Variants in NELL2 observed in about 807,000 individuals in gnomAD.
The protein encoded by NELL2 is protein kinase C-binding protein NELL2.
In NELL2, 41 loss-of-function variants were observed where a neutral mutation model predicts 109.6. That is an observed-to-expected ratio of 0.37 (90% CI 0.29 to 0.49). NELL2 has a LOEUF of 0.49. Among genes scored for constraint, NELL2 ranks in the 20% least tolerant of loss-of-function variants. The pLI, the probability that NELL2 is intolerant of heterozygous loss-of-function variation, is 0.98. For synonymous variants in NELL2, 355 were observed against 344.7 expected (o/e 1.03, Z -0.33); for missense variants, 900 against 1,008.3 (o/e 0.89, Z 1.45).
chr12:44,619,117 C>A (rs957372722), intron 13 of NELL2, among the ~76,000 whole-genome samples: 1 of 152,022 alleles, frequency 6.6e-6, no homozygotes, highest in Non-Finnish European at 1.5e-5. Flanking sequence ...GGGAAACAGG[C>A]CGAACAGGTG....
At chr12:44,879,918 A>G (rs1050570986), upstream of NELL2, among the ~76,000 whole-genome samples, 1 of 151,920 alleles carries the variant, frequency 6.6e-6, no homozygotes, top group Non-Finnish European at 1.5e-5. Context: ...ACTGATATGG[A>G]AATTCTAAAA....
intron 3 of NELL2, among the ~76,000 whole-genome samples, chr12:44,804,772 A>C (rs1942944754): frequency 6.6e-6 from 1 of 151,902 alleles, no homozygotes; most frequent in South Asian, 2.1e-4. Flanking sequence ...TTAAAATATC[A>C]GTGCATATGA....
rs1247636571 is a variant in NELL2, at chr12:44,594,543, T to C, written c.1663+12626A>G. ...CATTATGGAGATAGTGATTAAGAAG[T>C]TATATCGGATTTCCAAGAGAGTCAT... is the stretch of plus-strand genomic sequence containing the variant. On this transcript the variant is annotated intron_variant, in intron 15 of 19. Transcript: ENST00000429094. 3.9e-5 allele frequency among the ~76,000 whole-genome samples: 6 copies of C among 152,106 alleles called. No homozygotes were observed. The East Asian group carries it at 1.2e-3, about 29-fold the overall frequency.
intron 9 of NELL2, among the ~76,000 whole-genome samples, chr12:44,723,444 T>A (rs1030640184): frequency 2.0e-5 from 3 of 152,188 alleles, no homozygotes; most frequent in Non-Finnish European, 4.4e-5. Context: ...TTGAAAATAA[T>A]CAGTTAAACT....
At chr12:44,658,971 C>A (rs952618505) in intron 13 of NELL2, among the ~76,000 whole-genome samples, 2 of 151,342 alleles carry the variant, frequency 1.3e-5, no homozygotes, top group Admixed American at 6.6e-5. Context: ...CTACAGTAAC[C>A]AAAACAGCAT....
chr12:44,845,633 T>C (rs1441144565), intron 2 of NELL2, among the ~76,000 whole-genome samples: 1 of 152,166 alleles, frequency 6.6e-6, no homozygotes, highest in East Asian at 1.9e-4. Flanking sequence ...AAATCCTCAT[T>C]TTAAATTCAA....
At chr12:44,529,492 G>A (rs1420306300) in intron 16 of NELL2, among the ~76,000 whole-genome samples, 1 of 152,154 alleles carries the variant, frequency 6.6e-6, no homozygotes, top group African/African-American at 2.4e-5. Context: ...GGGATACATA[G>A]ACGGCATTTT....
At chr12:44,904,034 AT>A (rs1346504731) in intron 1 of NELL2, among the ~76,000 whole-genome samples, 1 of 152,076 alleles carries the variant, frequency 6.6e-6, no homozygotes, top group African/African-American at 2.4e-5. Context: ...TTAAAATATA[AT>A]AAAAATAAAT....
intron 9 of NELL2, among the ~76,000 whole-genome samples, chr12:44,741,237 T>A (rs899016446): frequency 6.6e-6 from 1 of 152,202 alleles, no homozygotes; most frequent in African/African-American, 2.4e-5. Context: ...AACATTTTCT[T>A]TTCTTTAGAT....
At chr12:44,877,471 A>G (rs1945359293), upstream of NELL2, among the ~76,000 whole-genome samples, 1 of 152,262 alleles carries the variant, frequency 6.6e-6, no homozygotes, top group Admixed American at 6.5e-5. Flanking sequence ...TAATCTGTAC[A>G]AAGATCAATT....
chr12:44,689,612 T>C (rs972728511), intron 12 of NELL2, among the ~76,000 whole-genome samples: 1 of 152,226 alleles, frequency 6.6e-6, no homozygotes, highest in African/African-American at 2.4e-5. Flanking sequence ...AATAGATACT[T>C]GGGGTGGCAG....
chr12:44,672,804 A>G (rs1051574661), intron 12 of NELL2, among the ~76,000 whole-genome samples: 17 of 152,232 alleles, frequency 1.1e-4, no homozygotes, highest in Admixed American at 9.2e-4. Context: ...CCTTCTAAAA[A>G]CTGTCTCTCA....
At chr12:44,613,029 T>C (rs905986673) in intron 13 of NELL2, among the ~76,000 whole-genome samples, 1 of 152,074 alleles carries the variant, frequency 6.6e-6, no homozygotes, top group Admixed American at 6.6e-5. Context: ...CTGAAGGCTT[T>C]AAATGCATCC....
chr12:44,777,844 T>C (rs1941812421), intron 5 of NELL2, among the ~76,000 whole-genome samples: 1 of 152,182 alleles, frequency 6.6e-6, no homozygotes, highest in African/African-American at 2.4e-5. Flanking sequence ...TACAGCAAAA[T>C]ATAGTGATGA....
intron 13 of NELL2, among the ~76,000 whole-genome samples, chr12:44,614,488 C>A: frequency 6.6e-6 from 1 of 151,846 alleles, no homozygotes; most frequent in East Asian, 1.9e-4. Context: ...TCTGTACATA[C>A]AATGTAAACC....
At chr12:44,529,404 G>T (rs1941944583) in intron 16 of NELL2, among the ~76,000 whole-genome samples, 1 of 152,170 alleles carries the variant, frequency 6.6e-6, no homozygotes, top group Non-Finnish European at 1.5e-5. Flanking sequence ...AGTCTGAGTT[G>T]TCTATTAGAA....
intron 13 of NELL2, among the ~76,000 whole-genome samples, chr12:44,641,247 G>C (rs1946843573): frequency 6.6e-6 from 1 of 152,184 alleles, no homozygotes; most frequent in South Asian, 2.1e-4. Flanking sequence ...ATGCAAAGGG[G>C]ATCTAATTTC....
chr12:44,871,825 C>T (rs1480941197), intron 2 of NELL2, among the ~76,000 whole-genome samples: 1 of 152,116 alleles, frequency 6.6e-6, no homozygotes, highest in East Asian at 1.9e-4. Context: ...AACTACTAAG[C>T]TTATTTTCAA....
At chr12:44,921,232 AC>A (rs1376120688) in intron 1 of NELL2, among the ~76,000 whole-genome samples, 2 of 152,156 alleles carry the variant, frequency 1.3e-5, no homozygotes, top group Non-Finnish European at 2.9e-5. Context: ...AGACCTAAAC[AC>A]TAGATAGACT....
Sources: allele counts gnomAD v4.1 joint callset (sites outside exome capture counted in the v4.1 genomes callset), GRCh38; gene constraint gnomAD v4.1.1; transcripts MANE v1.5; gene names NCBI Gene and HGNC (gene_info 2026-07-23, HGNC 2026-07-21).